Variants in PIAS4 observed in about 807,000 individuals in gnomAD.
PIAS4 encodes E3 SUMO-protein ligase PIAS4.
A neutral mutation model predicts 58.0 loss-of-function variants in PIAS4; 7 were observed. The ratio of observed to expected loss-of-function variants is 0.12; its 90% confidence interval spans 0.07 to 0.23. The LOEUF (loss-of-function observed/expected upper bound fraction) is 0.23, where lower values mean the gene tolerates loss of function less well. Ranked by LOEUF, PIAS4 falls within the 10% of genes least tolerant of loss-of-function variation. The probability of loss-of-function intolerance (pLI) is 1.00; values close to 1 mark genes in which losing one functional copy is unlikely to be tolerated. For synonymous variants in PIAS4, 364 were observed against 312.4 expected (o/e 1.17, Z -1.74); for missense variants, 550 against 709.5 (o/e 0.78, Z 2.55).
intron 2 of PIAS4, among the ~76,000 whole-genome samples, chr19:4,022,107 G>C (rs2040115729): frequency 6.6e-6 from 1 of 152,134 alleles, no homozygotes; most frequent in African/African-American, 2.4e-5. Context: ...AACAGGTAAA[G>C]AGCTTTTCAA....
In PIAS4 at chr19:4,037,860, G is replaced by A. The variant is rs1296950258; in HGVS notation, c.1518G>A (p.Leu506=). Residue 506 remains leucine, a synonymous_variant, in exon 11 of 11, where the codon CTG becomes CTA. Transcript: ENST00000262971. The surrounding 1 kb of genome is among the most constrained non-coding windows in gnomAD (Gnocchi z 5.8). ...PKRRCPFQKG[L]VPAC is the part of the protein sequence containing the mutation. ...GCCGCTGCCCCTTCCAGAAGGGCCT[G>A]GTGCCGGCCTGCTGACCCCGGCCGC... The A allele has an allele frequency of 3.8e-6, 6 of 1,566,232 alleles. No homozygotes were observed. The Admixed American group carries it at 5.6e-5, about 15-fold the overall frequency.
At chr19:4,027,629 C>T (rs1160227022) in intron 3 of PIAS4, among the ~76,000 whole-genome samples, 7 of 138,548 alleles carry the variant, frequency 5.1e-5, no homozygotes, top group Non-Finnish European at 1.1e-4. Context: ...GTGGTGCAAT[C>T]ATAGCTTGCA....
intron 9 of PIAS4, among the ~76,000 whole-genome samples, chr19:4,035,753 C>G (rs111605133): frequency 2.1e-4 from 2 of 9,656 alleles, no homozygotes; most frequent in Non-Finnish European, 4.6e-4. Flanking sequence ...TCCACACCAT[C>G]ACACACACAC....
rs776671450 is a variant in PIAS4 at position 4,028,182 on chromosome 19, C to A, written c.576C>A (p.Val192=). 1 of 1,612,268 alleles carries A rather than the reference C, an allele frequency of 6.2e-7. No homozygotes were observed. The highest frequency in any genetic ancestry group is 1.1e-5 in the South Asian group (1 of 91,078). ...CCGGAGTTAAAGCCGTGCAGGTCGT[C>A]CTGAGGTATGCCCAGGTGTGCCCGC... The part of the protein sequence containing the change: ...LQPGVKAVQV[V]LRICYSDTSC... Residue 192 remains valine (V), a synonymous_variant, in exon 4 of 11, where the codon GTC becomes GTA. Transcript: ENST00000262971.
chr19:4,034,567 TC>T (rs1166248712), intron 9 of PIAS4, among the ~76,000 whole-genome samples: 1 of 152,184 alleles, frequency 6.6e-6, no homozygotes, highest in Non-Finnish European at 1.5e-5. Context: ...CCCCCTTGCA[TC>T]CCAGCTTCGG....
intron 7 of PIAS4, 92 bp from the exon 8 acceptor site, chr19:4,033,008 G>A: frequency 4.0e-6 from 4 of 992,126 alleles, no homozygotes; most frequent in South Asian, 2.7e-5. Context: ...TGTTCTGGGA[G>A]GTGGACGTCA....
At chr19:4,015,368 C>A (rs1337339454) in intron 2 of PIAS4, among the ~76,000 whole-genome samples, 1 of 152,128 alleles carries the variant, frequency 6.6e-6, no homozygotes, top group African/African-American at 2.4e-5. Flanking sequence ...CCCTGAGCCA[C>A]CAGGGACCCC....
intron 2 of PIAS4, among the ~76,000 whole-genome samples, chr19:4,022,973 A>G (rs1028135858): frequency 6.6e-6 from 1 of 151,366 alleles, no homozygotes; most frequent in Non-Finnish European, 1.5e-5. Flanking sequence ...GGAGTTCGAG[A>G]GCAGCCTGGC....
At chr19:4,015,309 T>G (rs1175144510) in intron 2 of PIAS4, among the ~76,000 whole-genome samples, 1 of 151,972 alleles carries the variant, frequency 6.6e-6, no homozygotes, top group Non-Finnish European at 1.5e-5. Context: ...CTGACCAGCT[T>G]CCTTCCTGCA....
chr19:4,030,741 C>T (rs1423774871), intron 7 of PIAS4, among the ~76,000 whole-genome samples: 1 of 152,202 alleles, frequency 6.6e-6, no homozygotes, highest in Admixed American at 6.5e-5. Context: ...CTCAGAAAGT[C>T]GCTGGCCTTC....
intron 3 of PIAS4, among the ~76,000 whole-genome samples, chr19:4,025,160 T>G (rs943073186): frequency 2.0e-5 from 3 of 152,204 alleles, no homozygotes; most frequent in Non-Finnish European, 2.9e-5. Context: ...GGGGCCGTCC[T>G]GGGCACTGCA....
rs561633099 is a variant in PIAS4, at chr19:4,013,378, C to G, written c.454+29C>G. On this transcript the variant is annotated intron_variant, in intron 2 of 10. Transcript: ENST00000262971. This position sits in a 1 kb window ranked among gnomAD's most constrained non-coding sequence, Gnocchi z 5.1. The stretch of plus-strand genomic sequence containing the variant: ...AGTGGTCACCCTGGGGAGGCTGCGA[C>G]TGGAGGCTTCACCTAGGCCCCGTCG... 6 of 1,583,996 alleles carry G rather than the reference C, an allele frequency of 3.8e-6. 1 individual carries two copies. In the East Asian group the frequency reaches 9.0e-5, roughly 24 times the overall value.
In PIAS4 at chr19:4,013,409, C is replaced by A; in HGVS notation, c.454+60C>A. On this transcript the variant is annotated intron_variant, in intron 2 of 10. Transcript: ENST00000262971. The surrounding 1 kb of genome is among the most constrained non-coding windows in gnomAD (Gnocchi z 5.1). ...GCTTCACCTAGGCCCCGTCGCCCAG[C>A]CCAGCCCAGCCACACAGCCGACTTC... The A allele has an allele frequency of 6.9e-7, 1 of 1,442,860 alleles. No individual in the cohort carries two copies. The highest frequency in any genetic ancestry group is 9.5e-7 in the Non-Finnish European group (1 of 1,050,864). The allele number at this position is 1,442,860 out of a possible 1,614,324, so 89.4% of individuals were successfully genotyped here.
chr19:4,023,913 T>A lies in PIAS4; in HGVS notation c.455-123T>A, dbSNP rs2040136120. 8.3e-6 allele frequency: 6 copies of A among 719,794 alleles called. No homozygotes were observed. The South Asian group carries it at 9.4e-5, about 11-fold the overall frequency. The allele number at this position is 719,794 out of a possible 1,614,324, so 44.6% of individuals were successfully genotyped here. On this transcript the variant is annotated intron_variant, in intron 2 of 10. Coordinates refer to ENST00000262971, the MANE Select transcript of PIAS4 (RefSeq NM_015897.4). ...GCGGCCCCCACCTCTGCCCCACATA[T>A]CTGTCCAGCCAACTTCCCATTTCCT... is the stretch of plus-strand genomic sequence containing the variant.
At chr19:4,033,966 A>G (rs2040250483) in intron 9 of PIAS4, among the ~76,000 whole-genome samples, 1 of 151,972 alleles carries the variant, frequency 6.6e-6, no homozygotes, top group Admixed American at 6.5e-5. Flanking sequence ...CCTCACAGAA[A>G]GGCAAAGGAG....
intron 1 of PIAS4, among the ~76,000 whole-genome samples, chr19:4,011,684 GGT>G (rs1461069291): frequency 1.8e-4 from 24 of 136,066 alleles, no homozygotes; most frequent in East Asian, 8.2e-4. Context: ...GGGGTGTGGA[GGT>G]GTGTGGGGTG....
intron 3 of PIAS4, 126 bp from the exon 4 acceptor site, chr19:4,028,020 C>G: frequency 1.1e-6 from 1 of 922,630 alleles, no homozygotes; most frequent in Non-Finnish European, 1.8e-6. Flanking sequence ...TCCTGGGCCT[C>G]AGTTTCCCAG....
At chr19:4,023,891 G>GC in intron 2 of PIAS4, 145 bp from the exon 3 acceptor site, 2 of 647,894 alleles carry the variant, frequency 3.1e-6, no homozygotes, top group Non-Finnish European at 5.6e-6. Flanking sequence ...TTCCTGGGCG[G>GC]CCCCCACCTC....
chr19:4,025,748 C>T (rs2040157308), intron 3 of PIAS4, among the ~76,000 whole-genome samples: 1 of 150,124 alleles, frequency 6.7e-6, no homozygotes, highest in African/African-American at 2.5e-5. Flanking sequence ...GTCCCTGCTG[C>T]AGAGTGCTCA....
Sources: gnomAD v4.1 joint callset for allele counts (sites outside exome capture counted in the v4.1 genomes callset) on GRCh38, gnomAD v4.1.1 for gene constraint, Gnocchi (gnomAD v3.1) non-coding constraint, MANE v1.5 for transcripts, NCBI Gene and HGNC (gene_info 2026-07-23, HGNC 2026-07-21) for gene names.